Variants in MCTP1 observed in about 807,000 individuals in gnomAD.
MCTP1 encodes the protein multiple C2 and transmembrane domain containing 1.
In MCTP1, 69 loss-of-function variants were observed where a neutral mutation model predicts 120.6. That is an observed-to-expected ratio of 0.57 (90% CI 0.47 to 0.70). MCTP1 has a LOEUF of 0.70. Among genes scored for constraint, MCTP1 ranks in the 30% least tolerant of loss-of-function variants. The pLI, the probability that MCTP1 is intolerant of heterozygous loss-of-function variation, is 0.00. For missense variants in MCTP1, 1,203 were observed against 1,248.8 expected, an observed-to-expected ratio of 0.96 and a Z score of 0.55; for synonymous variants, 529 against 493.1, an observed-to-expected ratio of 1.07 and a Z score of -0.96.
intron 1 of MCTP1, among the ~76,000 whole-genome samples, chr5:95,212,501 T>C (rs1315873613): frequency 1.3e-5 from 2 of 152,132 alleles, no homozygotes; most frequent in Non-Finnish European, 2.9e-5. Flanking sequence ...GAATCCTCCC[T>C]AACTCATTTT....
chr5:95,215,094 C>G (rs1752887873), intron 1 of MCTP1, among the ~76,000 whole-genome samples: 1 of 152,188 alleles, frequency 6.6e-6, no homozygotes, highest in Non-Finnish European at 1.5e-5. Flanking sequence ...CATAATCACA[C>G]TCATATGTAT....
chr5:94,825,880 AT>A (rs35182875), intron 17 of MCTP1: 2,555 of 157,374 alleles, frequency 0.016, 34 homozygotes, highest in African/African-American at 0.045. Flanking sequence ...TTTAACATCT[AT>A]TTTTTTTTTT....
intron 1 of MCTP1, among the ~76,000 whole-genome samples, chr5:95,271,465 G>A (rs199815150): frequency 3.6e-4 from 54 of 149,764 alleles, no homozygotes; most frequent in African/African-American, 2.2e-4. Flanking sequence ...CCTCAAATTA[G>A]AAAAAAAAAA....
In MCTP1 at chr5:94,713,234, A is replaced by G. The variant is rs114854493; in HGVS notation, c.2720+1543T>C. Among the ~76,000 whole-genome samples the G allele has an allele frequency of 8.4e-3, 1,279 of 152,100 alleles. 15 individuals are homozygous for G. Among genetic ancestry groups the G allele is most frequent in the African/African-American group, 0.03 (1,236 of 41,488 alleles). On this transcript the variant is annotated intron_variant, in intron 20 of 22. Coordinates refer to ENST00000515393, the MANE Select transcript of MCTP1 (RefSeq NM_024717.7). ...AGAATTTCTTTTTTTTAGCATCCAA[A>G]AGATCATTTTGCGGGAGAGATGGCT...
At chr5:94,915,462 C>T (rs1809799189) in intron 8 of MCTP1, among the ~76,000 whole-genome samples, 1 of 152,164 alleles carries the variant, frequency 6.6e-6, no homozygotes, top group Non-Finnish European at 1.5e-5. Context: ...TATATGACCA[C>T]ATGTGTTTAT....
chr5:95,215,272 C>T (rs10058958), intron 1 of MCTP1, among the ~76,000 whole-genome samples: 29,749 of 152,080 alleles, frequency 0.2, 3,097 homozygotes, highest in Non-Finnish European at 0.23. Flanking sequence ...ATTTCTTATT[C>T]CTTGTCTGTT....
intron 1 of MCTP1, among the ~76,000 whole-genome samples, chr5:95,065,916 A>G (rs1203399444): frequency 6.6e-6 from 1 of 152,224 alleles, no homozygotes; most frequent in Non-Finnish European, 1.5e-5. Flanking sequence ...ACTAGAAGAC[A>G]ACATAAGAAA....
At chr5:95,198,507 G>A (rs1750640808) in intron 1 of MCTP1, among the ~76,000 whole-genome samples, 1 of 152,114 alleles carries the variant, frequency 6.6e-6, no homozygotes, top group African/African-American at 2.4e-5. Flanking sequence ...CTAATGTAAT[G>A]TTCTAAGCAT....
chr5:95,084,247 A>T (rs562914244), intron 1 of MCTP1, among the ~76,000 whole-genome samples: 52 of 152,250 alleles, frequency 3.4e-4, no homozygotes, highest in East Asian at 1.7e-3. Context: ...TTTAAAAAAA[A>T]TTTTAATATT....
At chr5:94,771,274 TTA>T (rs1773998200) in intron 19 of MCTP1, among the ~76,000 whole-genome samples, 1 of 152,118 alleles carries the variant, frequency 6.6e-6, no homozygotes, top group Non-Finnish European at 1.5e-5. Context: ...AGTTTGTGTA[TTA>T]TGTGTGTGTG....
rs1184777288 is a variant in MCTP1, at chr5:94,705,451, A to G, written c.*2045T>C. 2.0e-5 allele frequency: 3 copies of G among 150,394 alleles called. No individual in the cohort carries two copies. The highest frequency in any genetic ancestry group is 4.5e-5 in the Non-Finnish European group (3 of 67,330). The allele number at this position is 150,394 out of a possible 1,614,324, so 9.3% of individuals were successfully genotyped here. ...TTTAAACCAAATCTGTTTTTCTCCA[A>G]GTGACATATAGTTTTTAAGAATATG... On this transcript the variant is annotated 3_prime_UTR_variant, in exon 23 of 23. Transcript: ENST00000515393.
chr5:95,247,588 G>T (rs530337324), intron 1 of MCTP1, among the ~76,000 whole-genome samples: 37 of 152,198 alleles, frequency 2.4e-4, no homozygotes, highest in Non-Finnish European at 4.4e-4. Flanking sequence ...CTGGTACATT[G>T]TGTCTTTGTT....
chr5:95,275,021 G>C (rs1455877516), intron 1 of MCTP1, among the ~76,000 whole-genome samples: 2 of 152,072 alleles, frequency 1.3e-5, no homozygotes, highest in Admixed American at 1.3e-4. Flanking sequence ...TCTCCTGGCT[G>C]GTGAACTCAT....
chr5:94,733,520 T>C (rs1763533379), intron 19 of MCTP1, among the ~76,000 whole-genome samples: 1 of 152,136 alleles, frequency 6.6e-6, no homozygotes, highest in African/African-American at 2.4e-5. Context: ...CCTTCTCAAA[T>C]CAGTAAAATG....
chr5:94,882,432 C>CA (rs1561798066), intron 12 of MCTP1, among the ~76,000 whole-genome samples: 1 of 149,110 alleles, frequency 6.7e-6, no homozygotes, highest in South Asian at 2.1e-4. Context: ...TTTTTTTTTT[C>CA]AAAAAATCTA....
chr5:95,046,509 G>A (rs1744578321), intron 1 of MCTP1, among the ~76,000 whole-genome samples: 1 of 152,156 alleles, frequency 6.6e-6, no homozygotes, highest in South Asian at 2.1e-4. Context: ...AAGACTCAAA[G>A]AGAACTGGTA....
chr5:94,885,065 C>A (rs1040767125), intron 12 of MCTP1, among the ~76,000 whole-genome samples: 1 of 152,042 alleles, frequency 6.6e-6, no homozygotes, highest in Non-Finnish European at 1.5e-5. Context: ...TTGTAAAATT[C>A]TCTCTCTCTC....
intron 19 of MCTP1, among the ~76,000 whole-genome samples, chr5:94,727,381 C>A (rs1403638653): frequency 1.3e-5 from 2 of 152,194 alleles, no homozygotes; most frequent in Non-Finnish European, 2.9e-5. Flanking sequence ...TATGAGCCAC[C>A]TTCAGCAAAC....
At chr5:94,904,211 C>T (rs960237821) in intron 10 of MCTP1, among the ~76,000 whole-genome samples, 13 of 152,120 alleles carry the variant, frequency 8.5e-5, no homozygotes, top group African/African-American at 2.9e-4. Context: ...TCCATGGCTC[C>T]AGGACAACAT....
Sources: gnomAD v4.1 joint callset for allele counts (sites outside exome capture counted in the v4.1 genomes callset) on GRCh38, gnomAD v4.1.1 for gene constraint, MANE v1.5 for transcripts, NCBI Gene and HGNC (gene_info 2026-07-23, HGNC 2026-07-21) for gene names.